CACNA2D3: variants seen among roughly 807,000 people sequenced by gnomAD.
CACNA2D3 encodes calcium voltage-gated channel auxiliary subunit alpha2delta 3, also known as voltage-dependent calcium channel subunit alpha-2/delta-3.
Under a neutral mutation model 160.6 loss-of-function variants are expected in CACNA2D3, and 60 were observed. That is an observed-to-expected ratio of 0.37 (90% CI 0.30 to 0.46). The LOEUF (loss-of-function observed/expected upper bound fraction) is 0.46. CACNA2D3 is among the 20% of genes least tolerant of loss of function. CACNA2D3 has a pLI of 1.00. For missense variants in CACNA2D3, 1,205 were observed against 1,365.0 expected (o/e 0.88, Z 1.85); for synonymous variants, 558 against 492.9 (o/e 1.13, Z -1.75).
intron 27 of CACNA2D3, among the ~76,000 whole-genome samples, chr3:54,951,664 TC>T (rs140776758): frequency 0.058 from 8,807 of 152,144 alleles, 700 homozygotes; most frequent in African/African-American, 0.18. Context: ...TTCCAAGAAG[TC>T]CTGGCAACTG....
intron 32 of CACNA2D3, among the ~76,000 whole-genome samples, chr3:55,005,244 C>G (rs1397857145): frequency 6.6e-6 from 1 of 151,854 alleles, no homozygotes. Context: ...CCACTGCACT[C>G]CAGCCTGGGC....
intron 4 of CACNA2D3, among the ~76,000 whole-genome samples, chr3:54,466,513 C>T (rs968871386): frequency 6.6e-6 from 1 of 152,114 alleles, no homozygotes; most frequent in Non-Finnish European, 1.5e-5. Flanking sequence ...CTGATCCGAG[C>T]CAAGTTTTTC....
chr3:54,275,003 C>T (rs1008154709), intron 2 of CACNA2D3, among the ~76,000 whole-genome samples: 1 of 152,236 alleles, frequency 6.6e-6, no homozygotes, highest in African/African-American at 2.4e-5. Flanking sequence ...TGCACAAAGG[C>T]ATAAAGACCA....
At chr3:54,210,886 A>G (rs1701360133) in intron 2 of CACNA2D3, among the ~76,000 whole-genome samples, 1 of 152,144 alleles carries the variant, frequency 6.6e-6, no homozygotes, top group African/African-American at 2.4e-5. Flanking sequence ...GCATCCTGAG[A>G]AGGGGGACTG....
At chr3:54,580,647 G>A (rs989739512) in intron 8 of CACNA2D3, among the ~76,000 whole-genome samples, 1 of 152,196 alleles carries the variant, frequency 6.6e-6, no homozygotes, top group Non-Finnish European at 1.5e-5. Flanking sequence ...CCAGCCCTGT[G>A]CTTGCTGCAG....
intron 3 of CACNA2D3, among the ~76,000 whole-genome samples, chr3:54,336,064 C>T (rs1704370118): frequency 6.9e-6 from 1 of 145,166 alleles, no homozygotes; most frequent in African/African-American, 2.5e-5. Flanking sequence ...TCCAACACTA[C>T]TATATCTCAG....
chr3:54,227,306 G>A (rs905415598), intron 2 of CACNA2D3, among the ~76,000 whole-genome samples: 1 of 151,994 alleles, frequency 6.6e-6, no homozygotes, highest in Admixed American at 6.5e-5. Flanking sequence ...GCCCCTTTTT[G>A]TGCGCTTCCT....
intron 2 of CACNA2D3, among the ~76,000 whole-genome samples, chr3:54,283,070 A>C (rs1383677870): frequency 1.3e-5 from 2 of 152,202 alleles, no homozygotes; most frequent in African/African-American, 4.8e-5. Flanking sequence ...AAAAACAAAG[A>C]AGGAGAGATT....
chr3:54,763,882 TATATATATGTATGTGG>T (rs1702164883), intron 12 of CACNA2D3, among the ~76,000 whole-genome samples: 1 of 17,758 alleles, frequency 5.6e-5, no homozygotes, highest in African/African-American at 2.2e-4. Flanking sequence ...TATATATATG[TATATATATGTATGTGG>T]GGGGGGGGGG....
intron 17 of CACNA2D3, among the ~76,000 whole-genome samples, chr3:54,852,104 T>C (rs1013480892): frequency 1.3e-5 from 2 of 152,240 alleles, no homozygotes; most frequent in Non-Finnish European, 2.9e-5. Flanking sequence ...GGCCAACAGT[T>C]AGTGGCCAGT....
chr3:54,823,469 T>G (rs1325710920), intron 14 of CACNA2D3, among the ~76,000 whole-genome samples: 3 of 152,184 alleles, frequency 2.0e-5, no homozygotes, highest in African/African-American at 7.2e-5. Context: ...ACCAGTAACT[T>G]TCACACTTTC....
At chr3:55,028,574 A>G (rs1703614392) in intron 35 of CACNA2D3, among the ~76,000 whole-genome samples, 1 of 152,210 alleles carries the variant, frequency 6.6e-6, no homozygotes. Context: ...TTGATTACCC[A>G]GCCCCCTTTG....
intron 30 of CACNA2D3, among the ~76,000 whole-genome samples, chr3:54,986,033 T>G (rs2107105301): frequency 6.6e-6 from 1 of 152,274 alleles, no homozygotes; most frequent in Non-Finnish European, 1.5e-5. Flanking sequence ...TATGCCCTGT[T>G]GGCTGGGAGG....
At chr3:54,206,354 G>A (rs1353960242) in intron 2 of CACNA2D3, among the ~76,000 whole-genome samples, 1 of 152,126 alleles carries the variant, frequency 6.6e-6, no homozygotes, top group African/African-American at 2.4e-5. Flanking sequence ...TAACCCAGGG[G>A]AAAATTTTGA....
chr3:54,843,303 G>C (rs923084545), intron 16 of CACNA2D3, among the ~76,000 whole-genome samples: 5 of 152,164 alleles, frequency 3.3e-5, no homozygotes, highest in Admixed American at 6.5e-5. Flanking sequence ...TAGTGATGAT[G>C]GTATGGAAAG....
chr3:54,358,622 G>C (rs557371371), intron 3 of CACNA2D3, among the ~76,000 whole-genome samples: 1 of 152,340 alleles, frequency 6.6e-6, no homozygotes, highest in East Asian at 1.9e-4. Context: ...GGAGCTGCCT[G>C]GGCAAGGCAT....
At chr3:54,892,149 AG>A (rs1399293828) in intron 25 of CACNA2D3, among the ~76,000 whole-genome samples, 4 of 152,140 alleles carry the variant, frequency 2.6e-5, no homozygotes, top group African/African-American at 9.7e-5. Context: ...TCTGTTAATA[AG>A]TTTTTTCTAT....
chr3:55,015,416 A>G (rs575753329), intron 34 of CACNA2D3, among the ~76,000 whole-genome samples: 3 of 152,264 alleles, frequency 2.0e-5, no homozygotes, highest in South Asian at 4.1e-4. Context: ...TTACTATTAA[A>G]TTAATTAATT....
At chr3:54,814,616 T>C (rs1338764980) in intron 13 of CACNA2D3, among the ~76,000 whole-genome samples, 3 of 152,218 alleles carry the variant, frequency 2.0e-5, no homozygotes, top group Admixed American at 6.5e-5. Context: ...ATTTAAAAGC[T>C]CCAGTAGGAA....
Sources: allele counts gnomAD v4.1 joint callset (sites outside exome capture counted in the v4.1 genomes callset), GRCh38; gene constraint gnomAD v4.1.1; transcripts MANE v1.5; gene names NCBI Gene and HGNC (gene_info 2026-07-23, HGNC 2026-07-21).